Variants in OXR1 observed in about 807,000 individuals in gnomAD.
OXR1 encodes oxidation resistance protein 1.
A neutral mutation model predicts 104.6 loss-of-function variants in OXR1; 41 were observed. That is an observed-to-expected ratio of 0.39 (90% CI 0.31 to 0.51). The LOEUF is 0.51. Ranked by LOEUF, OXR1 falls within the 20% of genes least tolerant of loss-of-function variation. OXR1 has a pLI of 0.77. For synonymous variants in OXR1, 348 were observed against 348.4 expected (o/e 1.00, Z 0.01); for missense variants, 955 against 1,031.9 (o/e 0.93, Z 1.02).
chr8:106,506,736 G>T (rs1461051011), intron 2 of OXR1, among the ~76,000 whole-genome samples: 1 of 152,130 alleles, frequency 6.6e-6, no homozygotes, highest in African/African-American at 2.4e-5. Flanking sequence ...TAGGCCCCTG[G>T]ATATTCCAAA....
chr8:106,427,981 T>G (rs1298734217), intron 2 of OXR1, among the ~76,000 whole-genome samples: 1 of 152,246 alleles, frequency 6.6e-6, no homozygotes, highest in Non-Finnish European at 1.5e-5. Flanking sequence ...GGAAATATTC[T>G]ATACTTGTGC....
At chr8:106,713,342 A>C (rs1310383605) in intron 10 of OXR1, among the ~76,000 whole-genome samples, 2 of 151,968 alleles carry the variant, frequency 1.3e-5, no homozygotes, top group African/African-American at 2.4e-5. Flanking sequence ...CTAAGATTAG[A>C]TCATCTGTCT....
chr8:106,736,633 A>G (rs1353886709), intron 11 of OXR1, among the ~76,000 whole-genome samples: 3 of 152,200 alleles, frequency 2.0e-5, no homozygotes, highest in Non-Finnish European at 2.9e-5. Context: ...AGCTGTAACT[A>G]TTATGTCAAC....
intron 1 of OXR1, among the ~76,000 whole-genome samples, chr8:106,341,996 C>T (rs1815272933): frequency 6.6e-6 from 1 of 151,542 alleles, no homozygotes; most frequent in Admixed American, 6.6e-5. Flanking sequence ...CTGCCTCAGC[C>T]TCCAGAGTAA....
intron 12 of OXR1, among the ~76,000 whole-genome samples, chr8:106,739,075 TACACACACAC>T (rs71307086): frequency 0.014 from 1,980 of 141,608 alleles, 27 homozygotes; most frequent in Admixed American, 0.045. Flanking sequence ...TTAAATAGCA[TACACACACAC>T]ACACACACAC....
chr8:106,500,990 A>G (rs935810272), intron 2 of OXR1, among the ~76,000 whole-genome samples: 1 of 152,192 alleles, frequency 6.6e-6, no homozygotes, highest in South Asian at 2.1e-4. Context: ...AGAGTTGACA[A>G]ATTGAAGTTG....
chr8:106,545,041 C>T (rs945994489), intron 3 of OXR1, among the ~76,000 whole-genome samples: 1 of 152,080 alleles, frequency 6.6e-6, no homozygotes, highest in Non-Finnish European at 1.5e-5. Flanking sequence ...GCTGTGAAAG[C>T]GGTCCCGTGC....
intron 11 of OXR1, among the ~76,000 whole-genome samples, chr8:106,714,374 TA>T (rs1260229307): frequency 1.3e-5 from 2 of 152,030 alleles, no homozygotes; most frequent in African/African-American, 4.8e-5. Flanking sequence ...ATGGAGGAGG[TA>T]CGGCAGTCAT....
chr8:106,423,250 G>A (rs1209447645), intron 2 of OXR1, among the ~76,000 whole-genome samples: 2 of 152,172 alleles, frequency 1.3e-5, no homozygotes, highest in Non-Finnish European at 2.9e-5. Context: ...TGTAAGCTCA[G>A]TCTTTCAAAA....
chr8:106,447,848 T>C (rs1411080678), intron 2 of OXR1: 1 of 1,421,006 alleles, frequency 7.0e-7, no homozygotes, highest in East Asian at 2.5e-5. Flanking sequence ...TGGGTCTCTT[T>C]TTGCCTTAGA....
At chr8:106,336,958 T>G (rs1408274168) in intron 1 of OXR1, among the ~76,000 whole-genome samples, 6 of 152,240 alleles carry the variant, frequency 3.9e-5, no homozygotes. Flanking sequence ...GATAGGATAT[T>G]TAAGCCCTTA....
intron 1 of OXR1, among the ~76,000 whole-genome samples, chr8:106,300,090 A>G (rs1813167049): frequency 6.6e-6 from 1 of 152,184 alleles, no homozygotes; most frequent in African/African-American, 2.4e-5. Context: ...ATGGTATAGA[A>G]TTTGGGGAAA....
chr8:106,457,608 C>T (rs1297252385), intron 2 of OXR1, among the ~76,000 whole-genome samples: 1 of 152,070 alleles, frequency 6.6e-6, no homozygotes, highest in East Asian at 1.9e-4. Flanking sequence ...GTAAATGGAG[C>T]ATTAAGGACA....
intron 1 of OXR1, among the ~76,000 whole-genome samples, chr8:106,315,896 C>T (rs1211066286): frequency 4.6e-5 from 7 of 152,108 alleles, no homozygotes; most frequent in African/African-American, 1.7e-4. Context: ...TCAGAAAACA[C>T]TTTTTTCACG....
chr8:106,419,026 T>C (rs1376264337), intron 2 of OXR1, among the ~76,000 whole-genome samples: 1 of 152,156 alleles, frequency 6.6e-6, no homozygotes, highest in Non-Finnish European at 1.5e-5. Flanking sequence ...ATCAGAAAAA[T>C]ATAATAAGCA....
intron 2 of OXR1, among the ~76,000 whole-genome samples, chr8:106,401,558 A>G (rs1030467778): frequency 6.6e-6 from 1 of 152,166 alleles, no homozygotes; most frequent in Non-Finnish European, 1.5e-5. Context: ...AAGGCCTGGC[A>G]GCTTTTTCGG....
chr8:106,514,876 A>G (rs1057221593), intron 2 of OXR1, among the ~76,000 whole-genome samples: 2 of 152,188 alleles, frequency 1.3e-5, no homozygotes, highest in African/African-American at 4.8e-5. Flanking sequence ...ACAAAAGAGC[A>G]GCTGGCTTTT....
intron 3 of OXR1, among the ~76,000 whole-genome samples, chr8:106,620,170 A>C (rs983691953): frequency 6.6e-6 from 1 of 152,170 alleles, no homozygotes; most frequent in Non-Finnish European, 1.5e-5. Flanking sequence ...AGATTGTATT[A>C]TAACTGATTT....
chr8:106,502,708 A>C (rs1811890735), intron 2 of OXR1, among the ~76,000 whole-genome samples: 1 of 152,220 alleles, frequency 6.6e-6, no homozygotes, highest in South Asian at 2.1e-4. Flanking sequence ...CCTTCTGTAA[A>C]AGAAAACTTG....
Sources: allele counts gnomAD v4.1 joint callset (sites outside exome capture counted in the v4.1 genomes callset), GRCh38; gene constraint gnomAD v4.1.1; transcripts MANE v1.5; gene names NCBI Gene and HGNC (gene_info 2026-07-23, HGNC 2026-07-21).